Variants in SYN3 observed in about 807,000 individuals in gnomAD.
SYN3 encodes the protein synapsin III, also known as synapsin-3.
A neutral mutation model predicts 65.8 loss-of-function variants in SYN3; 35 were observed. The observed-to-expected ratio is 0.53, with a 90% CI of 0.41 to 0.70. The LOEUF (loss-of-function observed/expected upper bound fraction) is 0.70, where lower values mean the gene tolerates loss of function less well. Among genes scored for constraint, SYN3 ranks in the 30% least tolerant of loss-of-function variants. The pLI, the probability that SYN3 is intolerant of heterozygous loss-of-function variation, is 0.00. For missense variants in SYN3, 680 were observed against 749.0 expected (o/e 0.91, Z 1.08); for synonymous variants, 270 against 292.9 (o/e 0.92, Z 0.80).
chr22:32,814,686 G>A (rs1442419995), intron 6 of SYN3, among the ~76,000 whole-genome samples: 1 of 152,110 alleles, frequency 6.6e-6, no homozygotes, highest in Non-Finnish European at 1.5e-5. Context: ...GTTAACATCT[G>A]GATTTTATTT....
chr22:32,816,651 G>C (rs1042403702), intron 6 of SYN3, among the ~76,000 whole-genome samples: 1 of 152,150 alleles, frequency 6.6e-6, no homozygotes, highest in Non-Finnish European at 1.5e-5. Flanking sequence ...ACTCCCTTTT[G>C]CCCTATCATC....
intron 2 of SYN3, among the ~76,000 whole-genome samples, chr22:32,986,150 G>T (rs551982644): frequency 6.6e-6 from 1 of 151,936 alleles, no homozygotes; most frequent in Non-Finnish European, 1.5e-5. Flanking sequence ...ACAAATGTTC[G>T]CTGACCGGGT....
intron 4 of SYN3, among the ~76,000 whole-genome samples, chr22:32,908,336 T>G (rs1281609184): frequency 6.6e-6 from 1 of 151,238 alleles, no homozygotes; most frequent in Non-Finnish European, 1.5e-5. Context: ...TCCGCCCACC[T>G]TGGCCTCCCA....
intron 6 of SYN3, among the ~76,000 whole-genome samples, chr22:32,780,260 G>C (rs1021184732): frequency 2.6e-5 from 4 of 152,122 alleles, no homozygotes; most frequent in South Asian, 4.2e-4. Flanking sequence ...GGAATTTCAC[G>C]GGCTGAAGCT....
chr22:32,597,214 T>G, intron 6 of SYN3, among the ~76,000 whole-genome samples: 1 of 66,814 alleles, frequency 1.5e-5, no homozygotes, highest in African/African-American at 8.4e-5. Flanking sequence ...CTTTTTTTTT[T>G]TTTTTTTTTT....
At chr22:32,753,427 G>A (rs923885661) in intron 6 of SYN3, among the ~76,000 whole-genome samples, 1 of 152,132 alleles carries the variant, frequency 6.6e-6, no homozygotes, top group Non-Finnish European at 1.5e-5. Flanking sequence ...TGACGATGAC[G>A]CATAGGGAGC....
chr22:32,802,775 A>G (rs1376480226), intron 6 of SYN3, among the ~76,000 whole-genome samples: 2 of 152,220 alleles, frequency 1.3e-5, no homozygotes, highest in Non-Finnish European at 2.9e-5. Flanking sequence ...GATAGCCAGC[A>G]GAAGGTGCGA....
At chr22:32,681,122 GGA>G (rs1275010747) in intron 6 of SYN3, among the ~76,000 whole-genome samples, 1 of 152,126 alleles carries the variant, frequency 6.6e-6, no homozygotes, top group African/African-American at 2.4e-5. Context: ...AAGTGAGGGA[GGA>G]GAGAGTATGG....
Position 32,875,001 on chromosome 22 carries a change from T to G in SYN3, c.462-5876A>C, listed in dbSNP as rs138535428. ...TTAGGGTACCACTATTCTGCAAGGA[T>G]AAAGCCAAGGAAATGTGCACGCTTT... On this transcript the variant is annotated intron_variant, in intron 4 of 13. Coordinates refer to ENST00000358763, the MANE Select transcript of SYN3 (RefSeq NM_003490.4). Among the ~76,000 whole-genome samples, 3 of 152,286 alleles carry G rather than the reference T, an allele frequency of 2.0e-5. No individual in the cohort carries two copies. The East Asian group carries it at 5.8e-4, about 29-fold the overall frequency.
At chr22:32,746,898 C>T (rs2044950686) in intron 6 of SYN3, among the ~76,000 whole-genome samples, 1 of 152,182 alleles carries the variant, frequency 6.6e-6, no homozygotes, top group Non-Finnish European at 1.5e-5. Context: ...GGCTTAGCCG[C>T]CGGAGGCTTT....
intron 3 of SYN3, among the ~76,000 whole-genome samples, chr22:32,945,959 C>T (rs548275375): frequency 1.3e-5 from 2 of 152,276 alleles, no homozygotes; most frequent in Non-Finnish European, 2.9e-5. Flanking sequence ...CATCACTGGA[C>T]GTCAGAGAAA....
intron 13 of SYN3, among the ~76,000 whole-genome samples, chr22:32,516,685 G>C (rs1185446450): frequency 6.6e-6 from 1 of 152,158 alleles, no homozygotes. Flanking sequence ...TTAGATCTTT[G>C]AACTATGTGA....
At chr22:32,641,687 A>G (rs1347483782) in intron 6 of SYN3, among the ~76,000 whole-genome samples, 1 of 151,394 alleles carries the variant, frequency 6.6e-6, no homozygotes. Flanking sequence ...CTTAATGAGT[A>G]TGATGTTTCT....
chr22:32,589,874 G>C (rs888318819), intron 7 of SYN3, among the ~76,000 whole-genome samples: 7 of 152,130 alleles, frequency 4.6e-5, no homozygotes, highest in Non-Finnish European at 8.8e-5. Context: ...CCCAAAATTG[G>C]TGCAGCCCAG....
At chr22:32,773,582 G>C (rs1036826643) in intron 6 of SYN3, among the ~76,000 whole-genome samples, 1 of 152,154 alleles carries the variant, frequency 6.6e-6, no homozygotes, top group Non-Finnish European at 1.5e-5. Context: ...ATTGTTGGTA[G>C]CTATCTTCAA....
At chr22:33,043,378 T>G (rs1462449785) in intron 1 of SYN3, among the ~76,000 whole-genome samples, 1 of 152,012 alleles carries the variant, frequency 6.6e-6, no homozygotes, top group African/African-American at 2.4e-5. Context: ...CGAAACCCCG[T>G]CTCTACTAAA....
chr22:32,900,415 A>G (rs1298196317), intron 4 of SYN3, among the ~76,000 whole-genome samples: 2 of 152,166 alleles, frequency 1.3e-5, no homozygotes, highest in Non-Finnish European at 2.9e-5. Context: ...TTTAAAACCC[A>G]TTGTAAATGT....
At chr22:32,569,256 A>AATCTATGT (rs376331895) in intron 7 of SYN3, among the ~76,000 whole-genome samples, 186 of 141,096 alleles carry the variant, frequency 1.3e-3, no homozygotes, top group African/African-American at 4.7e-3. Context: ...ATGCATCCAA[A>AATCTATGT]ATCTATCTAT....
intron 4 of SYN3, among the ~76,000 whole-genome samples, chr22:32,905,814 G>A (rs1355540910): frequency 6.6e-6 from 1 of 152,218 alleles, no homozygotes; most frequent in Non-Finnish European, 1.5e-5. Flanking sequence ...CCCGGGTCTT[G>A]AAGAAGAGAT....
Sources: allele counts gnomAD v4.1 joint callset (sites outside exome capture counted in the v4.1 genomes callset), GRCh38; gene constraint gnomAD v4.1.1; transcripts MANE v1.5; gene names NCBI Gene and HGNC (gene_info 2026-07-23, HGNC 2026-07-21).